Variants in ACVR1C observed in about 807,000 individuals in gnomAD.
ACVR1C encodes activin receptor type-1C.
Under a neutral mutation model 57.9 loss-of-function variants are expected in ACVR1C, and 23 were observed. The ratio of observed to expected loss-of-function variants is 0.40; its 90% CI spans 0.29 to 0.56. ACVR1C has a LOEUF of 0.56. ACVR1C is among the 20% of genes least tolerant of loss of function. ACVR1C has a pLI of 0.50. For missense variants in ACVR1C, 480 were observed against 607.9 expected, an observed-to-expected ratio of 0.79 and a Z score of 2.21; for synonymous variants, 214 against 215.3, an observed-to-expected ratio of 0.99 and a Z score of 0.05.
chr2:157,550,775 T>C (rs1465112287), intron 3 of ACVR1C, among the ~76,000 whole-genome samples: 2 of 149,994 alleles, frequency 1.3e-5, no homozygotes, highest in Non-Finnish European at 3.0e-5. Context: ...AAATAAAATG[T>C]ATGGTTCCTG....
intron 1 of ACVR1C, among the ~76,000 whole-genome samples, chr2:157,625,235 G>A (rs1247826722): frequency 6.6e-6 from 1 of 152,064 alleles, no homozygotes. Flanking sequence ...AGCTTTTCCT[G>A]CAGTCTGCCC....
chr2:157,604,389 G>T (rs771560618), intron 1 of ACVR1C, among the ~76,000 whole-genome samples: 18 of 152,022 alleles, frequency 1.2e-4, no homozygotes, highest in Non-Finnish European at 2.4e-4. Flanking sequence ...TTTGCATTTG[G>T]TTTAAGGTAT....
chr2:157,546,900 C>G (rs887250717), intron 4 of ACVR1C, among the ~76,000 whole-genome samples: 6 of 151,930 alleles, frequency 3.9e-5, no homozygotes, highest in Middle Eastern at 3.4e-3. Context: ...ATGTGCCATG[C>G]TGGTGCGCTG....
chr2:157,543,247 A>G (rs762950444), intron 5 of ACVR1C, among the ~76,000 whole-genome samples: 10 of 152,234 alleles, frequency 6.6e-5, no homozygotes, highest in Non-Finnish European at 1.0e-4. Context: ...GCAGTTCTCA[A>G]TTGTAGCCAA....
chr2:157,576,042 T>C (rs1350467494), intron 2 of ACVR1C, among the ~76,000 whole-genome samples: 1 of 152,114 alleles, frequency 6.6e-6, no homozygotes, highest in African/African-American at 2.4e-5. Flanking sequence ...CAGAAAATTA[T>C]GTACAATATA....
At chr2:157,578,181 A>G (rs745776788) in intron 2 of ACVR1C, among the ~76,000 whole-genome samples, 2 of 152,244 alleles carry the variant, frequency 1.3e-5, no homozygotes, top group African/African-American at 4.8e-5. Flanking sequence ...TCGGGATTGC[A>G]GGCTTGAGCC....
At position 157,628,461 on chromosome 2, in the gene ACVR1C, C is replaced by T. The variant is rs1018193581; in HGVS notation, c.73+111G>A. 10 of 1,282,180 alleles carry T rather than the reference C, an allele frequency of 7.8e-6. No individual in the cohort carries two copies. In the African/African-American group the frequency reaches 1.4e-4, roughly 17 times the overall value. The allele number at this position is 1,282,180 out of a possible 1,614,324, so 79.4% of individuals were successfully genotyped here. On this transcript the variant is annotated intron_variant, in intron 1 of 8. Transcript: ENST00000243349. ...TCCGACTGGCGCTTCCCTGTCCGCC[C>T]CGAAGGTCAGTTTGCTCGGAGCACC...
At chr2:157,554,168 G>C (rs561991187) in intron 3 of ACVR1C, among the ~76,000 whole-genome samples, 12 of 120,090 alleles carry the variant, frequency 1.0e-4, no homozygotes, top group African/African-American at 3.7e-4. Flanking sequence ...AGGTAACAGG[G>C]TGAGAATCTG....
In ACVR1C at chr2:157,554,353, G is replaced by GAGAA. The variant is rs746253095; in HGVS notation, c.544+1736_544+1739dup. 1.7e-4 allele frequency among the ~76,000 whole-genome samples: 22 copies of GAGAA among 132,662 alleles called. 1 individual carries two copies. The allele number at this position is 132,662 out of a possible 152,430, so 87.0% of individuals were successfully genotyped here. On this transcript the variant is annotated intron_variant, in intron 3 of 8. Coordinates refer to ENST00000243349, the MANE Select transcript of ACVR1C (RefSeq NM_145259.3). ...AAAGAGAAAGAGAGAAAGAAAGAAA[G>GAGAA]AGAAAGAAAGAAAGAAGGGAGGGAG... is the stretch of plus-strand genomic sequence containing the variant.
chr2:157,620,064 T>C lies in ACVR1C; in HGVS notation c.73+8508A>G, dbSNP rs563766042. 7.9e-5 allele frequency among the ~76,000 whole-genome samples: 12 copies of C among 152,082 alleles called. No individual in the cohort carries two copies. In the South Asian group the frequency reaches 2.3e-3, roughly 29 times the overall value. ...ATAACTCTCTATACTTCTAAAGGGG[T>C]CCAGTTGTTTTAACGAAGTCAACTT... is the stretch of plus-strand genomic sequence containing the variant. On this transcript the variant is annotated intron_variant, in intron 1 of 8. Coordinates refer to ENST00000243349, the MANE Select transcript of ACVR1C (RefSeq NM_145259.3).
At chr2:157,557,676 A>G (rs933405125) in intron 2 of ACVR1C, among the ~76,000 whole-genome samples, 16 of 152,232 alleles carry the variant, frequency 1.1e-4, no homozygotes, top group Non-Finnish European at 2.2e-4. Flanking sequence ...TAAAAGTTCT[A>G]CTAGTGGTAT....
chr2:157,584,015 C>T (rs959632577), intron 2 of ACVR1C, among the ~76,000 whole-genome samples: 4 of 151,886 alleles, frequency 2.6e-5, no homozygotes, highest in African/African-American at 9.7e-5. Flanking sequence ...ATAAATCAGA[C>T]TTCATCAAAA....
intron 1 of ACVR1C, among the ~76,000 whole-genome samples, chr2:157,623,434 A>G (rs1324137288): frequency 6.6e-6 from 1 of 152,214 alleles, no homozygotes. Flanking sequence ...ATAAAAAAGA[A>G]TGAGATCCAG....
chr2:157,597,329 C>A, intron 1 of ACVR1C: 1 of 985,710 alleles, frequency 1.0e-6, no homozygotes, highest in Non-Finnish European at 1.2e-6. Context: ...GACCTTGGCA[C>A]CCCGGCCCGC....
chr2:157,595,828 A>G (rs1333409761), intron 1 of ACVR1C, among the ~76,000 whole-genome samples: 1 of 152,148 alleles, frequency 6.6e-6, no homozygotes, highest in African/African-American at 2.4e-5. Flanking sequence ...CTTTGCCTGT[A>G]GTATTCTCCC....
chr2:157,574,741 T>G (rs1181716653), intron 2 of ACVR1C, among the ~76,000 whole-genome samples: 2 of 152,156 alleles, frequency 1.3e-5, no homozygotes, highest in African/African-American at 2.4e-5. Flanking sequence ...ATAAATCAAT[T>G]GTTTTTCTCC....
intron 3 of ACVR1C, among the ~76,000 whole-genome samples, chr2:157,554,256 A>AAAGAAAGAAAGGAAGG (rs1688015338): frequency 7.7e-6 from 1 of 130,428 alleles, no homozygotes; most frequent in Non-Finnish European, 1.6e-5. Context: ...AGAAAGAAAG[A>AAAGAAAGAAAGGAAGG]AAGAAAGAAA....
At chr2:157,605,889 A>T (rs1189078650) in intron 1 of ACVR1C, among the ~76,000 whole-genome samples, 3 of 151,584 alleles carry the variant, frequency 2.0e-5, no homozygotes, top group Non-Finnish European at 4.4e-5. Context: ...AAACATTAGA[A>T]CTTATTTCTT....
chr2:157,603,373 T>G (rs1051835376), intron 1 of ACVR1C, among the ~76,000 whole-genome samples: 1 of 152,166 alleles, frequency 6.6e-6, no homozygotes, highest in African/African-American at 2.4e-5. Flanking sequence ...GCCCACTATG[T>G]GCATGGCACT....
Sources: gnomAD v4.1 joint callset for allele counts (sites outside exome capture counted in the v4.1 genomes callset) on GRCh38, gnomAD v4.1.1 for gene constraint, MANE v1.5 for transcripts, NCBI Gene and HGNC (gene_info 2026-07-23, HGNC 2026-07-21) for gene names.